Variants in WDR72 observed in about 807,000 individuals in gnomAD.
WDR72 encodes WD repeat-containing protein 72.
Under a neutral mutation model 124.2 loss-of-function variants are expected in WDR72, and 120 were observed. The observed-to-expected ratio is 0.97, with a 90% CI of 0.83 to 1.12. The LOEUF is 1.12. Among genes scored for constraint, WDR72 ranks in the 50% most tolerant of loss-of-function variants. The probability of loss-of-function intolerance (pLI) is 0.00; values close to 1 mark genes in which losing one functional copy is unlikely to be tolerated. For missense variants in WDR72, 1,387 were observed against 1,278.8 expected, an observed-to-expected ratio of 1.08 and a Z score of -1.29; for synonymous variants, 452 against 441.7, an observed-to-expected ratio of 1.02 and a Z score of -0.29.
At chr15:53,637,286 T>G (rs2014660097) in intron 14 of WDR72, among the ~76,000 whole-genome samples, 1 of 152,168 alleles carries the variant, frequency 6.6e-6, no homozygotes. Context: ...CTTCTTACAC[T>G]AGTGAAAAAT....
At chr15:53,678,940 G>A (rs56400917) in intron 13 of WDR72, among the ~76,000 whole-genome samples, 7,406 of 152,242 alleles carry the variant, frequency 0.049, 635 homozygotes, top group African/African-American at 0.17. Flanking sequence ...TGAATAAAAT[G>A]GTGTATACAC....
At chr15:53,631,324 T>C (rs1465675730) in intron 14 of WDR72, among the ~76,000 whole-genome samples, 6 of 152,218 alleles carry the variant, frequency 3.9e-5, no homozygotes, top group Admixed American at 2.6e-4. Flanking sequence ...TCCTGAGGCC[T>C]ATTCAGAAGC....
chr15:53,700,894 A>C (rs1034497803), intron 12 of WDR72, among the ~76,000 whole-genome samples: 5 of 152,214 alleles, frequency 3.3e-5, no homozygotes, highest in Admixed American at 1.3e-4. Flanking sequence ...CGGCTTCTAG[A>C]ACAGGCAGCC....
chr15:53,523,418 A>G (rs1038591922), intron 18 of WDR72, 96 bp from the exon 19 acceptor site: 2 of 1,158,404 alleles, frequency 1.7e-6, no homozygotes, highest in Non-Finnish European at 2.6e-6. Context: ...AGTTCCACAG[A>G]TATTTCCAGG....
At chr15:53,588,488 T>C (rs1355058523) in intron 18 of WDR72, among the ~76,000 whole-genome samples, 1 of 152,000 alleles carries the variant, frequency 6.6e-6, no homozygotes, top group Non-Finnish European at 1.5e-5. Flanking sequence ...TTTCGAGTTA[T>C]TCAAATTGTT....
chr15:53,702,450 T>C (rs2017212899), intron 11 of WDR72, 96 bp from the exon 12 acceptor site: 2 of 1,010,564 alleles, frequency 2.0e-6, no homozygotes. Flanking sequence ...ATAAGGAAAT[T>C]ACATATAATT....
chr15:53,714,045 T>C (rs1229034149), intron 6 of WDR72, among the ~76,000 whole-genome samples: 4 of 152,148 alleles, frequency 2.6e-5, no homozygotes, highest in African/African-American at 9.7e-5. Flanking sequence ...TATACTGGAC[T>C]CCCCAGGGAC....
At chr15:53,569,996 C>T (rs984013051) in intron 18 of WDR72, among the ~76,000 whole-genome samples, 46 of 151,916 alleles carry the variant, frequency 3.0e-4, no homozygotes, top group Non-Finnish European at 4.6e-4. Flanking sequence ...AAATGCATTC[C>T]CTTTTGTCCA....
At chr15:53,746,810 T>A (rs7175989) in intron 1 of WDR72, among the ~76,000 whole-genome samples, 24 of 152,288 alleles carry the variant, frequency 1.6e-4, no homozygotes, top group African/African-American at 5.8e-4. Context: ...AATTTGGAAT[T>A]GTGCACTTTA....
chr15:53,726,553 C>A (rs909446300), intron 2 of WDR72, among the ~76,000 whole-genome samples: 1 of 151,922 alleles, frequency 6.6e-6, no homozygotes, highest in Non-Finnish European at 1.5e-5. Flanking sequence ...TTTAAAATAT[C>A]GATGCTGGCC....
chr15:53,714,513 G>T lies in WDR72; in HGVS notation c.515-3C>A. On this transcript the variant is annotated splice_region_variant and splice_polypyrimidine_tract_variant and intron_variant, in intron 5 of 19. Transcript: ENST00000360509. ...TGATACCACCAAGAGAGAATCTTCT[G>T]TGAAAATAATAAAAGTCACATATAA... The T allele has an allele frequency of 6.2e-7, 1 of 1,611,708 alleles. No individual in the cohort carries two copies. The highest frequency in any genetic ancestry group is 2.2e-5 in the East Asian group (1 of 44,818).
intron 18 of WDR72, among the ~76,000 whole-genome samples, chr15:53,596,817 T>G (rs554988678): frequency 7.2e-5 from 11 of 152,264 alleles, no homozygotes; most frequent in African/African-American, 2.4e-4. Context: ...ACTGTGAACT[T>G]ACATTTTCAA....
rs748201933 is a variant in WDR72 at position 53,714,451 on chromosome 15, A to T, written c.574T>A (p.Ser192Thr). 1.9e-6 allele frequency: 3 copies of T among 1,613,840 alleles called. No homozygotes were observed. Among genetic ancestry groups the T allele is most frequent in the Non-Finnish European group, 2.5e-6 (3 of 1,179,858 alleles). Residue 192 changes from serine (S) to threonine (T), a missense_variant, in exon 6 of 20, where the codon TCT (serine) becomes ACT (threonine). By Grantham distance (58) the Ser-to-Thr change is moderately conservative (BLOSUM62 1). Transcript: ENST00000360509. The stretch of plus-strand genomic sequence containing the variant: ...AAGCCAACCTGAATGCTGTTGATAG[A>T]TGAGGAAAGATCCCATACTTTGAGC... The part of the protein sequence containing the change: ...GELKVWDLSS[S>T]INSIQEKQDV...
At position 53,712,623 on chromosome 15, in the gene WDR72, C is replaced by T. The variant is rs1463428203; in HGVS notation, c.711+149G>A. 1.9e-5 allele frequency: 16 copies of T among 825,860 alleles called. No individual in the cohort carries two copies. In the East Asian group the frequency reaches 2.5e-4, roughly 13 times the overall value. 51.2% of individuals were successfully genotyped at this position (825,860 alleles called of 1,614,324 possible). ...CCACCGCCAAAAAAAAAAACTGTTA[C>T]GTCAGTCATAAAAGACACATCATTC... On this transcript the variant is annotated intron_variant, in intron 7 of 19. Coordinates refer to ENST00000360509, the MANE Select transcript of WDR72 (RefSeq NM_182758.4).
chr15:53,578,260 G>T (rs908121372), intron 18 of WDR72, among the ~76,000 whole-genome samples: 1 of 152,102 alleles, frequency 6.6e-6, no homozygotes, highest in Non-Finnish European at 1.5e-5. Context: ...AAAACACAGG[G>T]TGGTCAGTGG....
intron 18 of WDR72, among the ~76,000 whole-genome samples, chr15:53,589,382 A>C (rs1301707143): frequency 6.6e-6 from 1 of 151,892 alleles, no homozygotes; most frequent in African/African-American, 2.4e-5. Context: ...TTCTTTTACT[A>C]ATTAGGAATT....
At chr15:53,713,738 G>A (rs1315631054) in intron 6 of WDR72, among the ~76,000 whole-genome samples, 10 of 151,998 alleles carry the variant, frequency 6.6e-5, no homozygotes, top group African/African-American at 1.2e-4. Flanking sequence ...GATTACAGGC[G>A]TGAGCCACTG....
At chr15:53,537,910 T>C (rs1398731943) in intron 18 of WDR72, among the ~76,000 whole-genome samples, 1 of 152,178 alleles carries the variant, frequency 6.6e-6, no homozygotes, top group Non-Finnish European at 1.5e-5. Flanking sequence ...GGCCCCCTTT[T>C]ATTTTACCAG....
intron 13 of WDR72, among the ~76,000 whole-genome samples, chr15:53,687,050 G>A (rs1477309984): frequency 1.4e-4 from 21 of 150,814 alleles, no homozygotes; most frequent in Admixed American, 1.3e-3. Flanking sequence ...TCTCTGGGAC[G>A]CATTCAAAGC....
Sources: allele counts gnomAD v4.1 joint callset (sites outside exome capture counted in the v4.1 genomes callset), GRCh38; gene constraint gnomAD v4.1.1; transcripts MANE v1.5; gene names NCBI Gene and HGNC (gene_info 2026-07-23, HGNC 2026-07-21).